ASXL2: variants seen among roughly 807,000 people sequenced by gnomAD.
ASXL2 encodes putative Polycomb group protein ASXL2.
In ASXL2, 23 loss-of-function variants were observed where a neutral mutation model predicts 122.0. The observed-to-expected ratio is 0.19, with a 90% CI of 0.14 to 0.27. ASXL2 has a LOEUF of 0.27. ASXL2 is among the 10% of genes least tolerant of loss of function. The probability of loss-of-function intolerance (pLI) is 1.00; values close to 1 mark genes in which losing one functional copy is unlikely to be tolerated. For synonymous variants in ASXL2, 650 were observed against 637.0 expected (o/e 1.02, Z -0.31); for missense variants, 1,518 against 1,713.8 (o/e 0.89, Z 2.02).
At chr2:25,811,970 G>A (rs2149177254) in intron 3 of ASXL2, among the ~76,000 whole-genome samples, 1 of 151,808 alleles carries the variant, frequency 6.6e-6, no homozygotes, top group Non-Finnish European at 1.5e-5. Flanking sequence ...GGCTGGTCTT[G>A]AACTCCTCCT....
chr2:25,755,612 G>A (rs1377522844), intron 10 of ASXL2, among the ~76,000 whole-genome samples: 1 of 152,204 alleles, frequency 6.6e-6, no homozygotes, highest in Non-Finnish European at 1.5e-5. Flanking sequence ...AGGCTAGGCA[G>A]TAATAAACAG....
At chr2:25,856,581 C>G in intron 1 of ASXL2, 1 of 1,181,790 alleles carries the variant, frequency 8.5e-7, no homozygotes, top group Non-Finnish European at 1.3e-6. Context: ...GTAGGGGGCG[C>G]CAGTCTTGAT....
intron 12 of ASXL2, among the ~76,000 whole-genome samples, chr2:25,748,177 TG>T (rs1172947017): frequency 2.1e-5 from 3 of 139,894 alleles, no homozygotes; most frequent in Non-Finnish European, 4.7e-5. Flanking sequence ...GACTCCATCT[TG>T]GGGGGCAAAA....
intron 3 of ASXL2, among the ~76,000 whole-genome samples, chr2:25,822,315 G>C (rs548878563): frequency 6.6e-6 from 1 of 151,562 alleles, no homozygotes; most frequent in African/African-American, 2.4e-5. Flanking sequence ...GACCGAGGTG[G>C]AGCCCGCCGC....
intron 1 of ASXL2, among the ~76,000 whole-genome samples, chr2:25,873,790 G>T (rs2089985496): frequency 6.7e-6 from 1 of 150,050 alleles, no homozygotes; most frequent in Admixed American, 6.6e-5. Context: ...AACACCCAAT[G>T]TCCCTTAAGT....
intron 1 of ASXL2, among the ~76,000 whole-genome samples, chr2:25,864,541 G>GA (rs1318161475): frequency 1.2e-4 from 18 of 152,072 alleles, no homozygotes; most frequent in African/African-American, 4.3e-4. Flanking sequence ...ATAAAAGAAA[G>GA]GAAAATGAAC....
rs148949420 is a variant in ASXL2 at position 25,812,397 on chromosome 2, T to G, written c.144-6060A>C. On this transcript the variant is annotated intron_variant, in intron 3 of 12. Transcript: ENST00000435504. ...ATCTCTTGAAACTGGGAGGTGGAAG[T>G]TGCAGTGAGCCGAGACCGCGCCATT... Among the ~76,000 whole-genome samples the G allele has an allele frequency of 7.9e-5, 12 of 152,090 alleles. No homozygotes were observed. The East Asian group carries it at 2.3e-3, about 29-fold the overall frequency.
chr2:25,819,205 A>C (rs942657536), intron 3 of ASXL2, among the ~76,000 whole-genome samples: 2 of 152,212 alleles, frequency 1.3e-5, no homozygotes, highest in African/African-American at 4.8e-5. Context: ...ATTGCCGAGG[A>C]TCAGGTAAAG....
At chr2:25,813,603 T>A (rs1276723190) in intron 3 of ASXL2, among the ~76,000 whole-genome samples, 1 of 152,142 alleles carries the variant, frequency 6.6e-6, no homozygotes, top group Non-Finnish European at 1.5e-5. Context: ...GTACATAAAG[T>A]GCTTTAAGTC....
intron 1 of ASXL2, among the ~76,000 whole-genome samples, chr2:25,874,601 C>T (rs948811769): frequency 6.6e-6 from 1 of 152,078 alleles, no homozygotes. Flanking sequence ...CAGTGAGCCA[C>T]GATCACAAGA....
At chr2:25,868,684 C>T (rs141518049) in intron 1 of ASXL2, among the ~76,000 whole-genome samples, 29 of 152,260 alleles carry the variant, frequency 1.9e-4, no homozygotes, top group Middle Eastern at 3.4e-3. Context: ...GTTTTCATGG[C>T]AAACAATACT....
intron 1 of ASXL2, among the ~76,000 whole-genome samples, chr2:25,873,620 C>T (rs997202000): frequency 1.3e-5 from 2 of 151,234 alleles, no homozygotes; most frequent in Non-Finnish European, 2.9e-5. Flanking sequence ...AAATAATTAA[C>T]CAATGAATAA....
intron 1 of ASXL2, chr2:25,856,922 C>A (rs1220160810): frequency 1.5e-6 from 1 of 648,030 alleles, no homozygotes; most frequent in East Asian, 2.6e-5. Flanking sequence ...GCAGCTGGGA[C>A]AGTGTCCTAT....
rs1491286923 is a variant in ASXL2, at chr2:25,744,935, C to CCCCA, written c.1861-460_1861-459insTGGG. Among the ~76,000 whole-genome samples, 3 of 138,338 alleles carry CCCCA rather than the reference C, an allele frequency of 2.2e-5. No homozygotes were observed. The highest frequency in any genetic ancestry group is 4.7e-5 in the Non-Finnish European group (3 of 64,304). 90.8% of individuals were successfully genotyped at this position (138,338 alleles called of 152,430 possible). ...GGGAAAATACTTGCTCTTCTCTGTT[C>CCCCA]CACACACACACACACACACACACAC... On this transcript the variant is annotated intron_variant, in intron 12 of 12. Transcript: ENST00000435504. This position sits in a 1 kb window ranked among gnomAD's most constrained non-coding sequence, Gnocchi z 4.7.
chr2:25,763,579 C>A (rs989326998), intron 8 of ASXL2, among the ~76,000 whole-genome samples: 2 of 151,834 alleles, frequency 1.3e-5, no homozygotes, highest in Non-Finnish European at 2.9e-5. Flanking sequence ...TTTCTAAATT[C>A]AGTATCATTA....
intron 4 of ASXL2, 75 bp downstream of exon 4, chr2:25,806,154 C>A: frequency 2.2e-6 from 2 of 889,424 alleles, no homozygotes; most frequent in South Asian, 3.2e-5. Context: ...AGAATTCTGT[C>A]CCTACGAGTC....
At chr2:25,806,190 G>GA in intron 4 of ASXL2, 39 bp downstream of exon 4, 1 of 1,361,818 alleles carries the variant, frequency 7.3e-7, no homozygotes, top group Admixed American at 1.9e-5. Flanking sequence ...GTCACTTCCT[G>GA]TTTTTTCTTT....
At chr2:25,812,414 C>T (rs1265715619) in intron 3 of ASXL2, among the ~76,000 whole-genome samples, 2 of 152,074 alleles carry the variant, frequency 1.3e-5, no homozygotes, top group South Asian at 2.1e-4. Context: ...GAGCCGAGAC[C>T]GCGCCATTGC....
At chr2:25,830,330 G>C (rs1413974063) in intron 3 of ASXL2, among the ~76,000 whole-genome samples, 3 of 152,174 alleles carry the variant, frequency 2.0e-5, no homozygotes, top group African/African-American at 2.4e-5. Context: ...TGTGAAAATT[G>C]TAAGAAAAAT....
Sources: gnomAD v4.1 joint callset for allele counts (sites outside exome capture counted in the v4.1 genomes callset) on GRCh38, gnomAD v4.1.1 for gene constraint, Gnocchi (gnomAD v3.1) non-coding constraint, MANE v1.5 for transcripts, NCBI Gene and HGNC (gene_info 2026-07-23, HGNC 2026-07-21) for gene names.